Variants in THADA observed in about 807,000 individuals in gnomAD.
THADA encodes tRNA (32-2'-O)-methyltransferase regulator THADA.
THADA carries 213 observed loss-of-function variants against 219.8 expected under a neutral mutation model. The ratio of observed to expected loss-of-function variants is 0.97; its 90% CI spans 0.87 to 1.09. The LOEUF (loss-of-function observed/expected upper bound fraction) is 1.09, where lower values mean the gene tolerates loss of function less well. THADA is among the 50% of genes least tolerant of loss of function. The probability of loss-of-function intolerance (pLI) is 0.00; values close to 1 mark genes in which losing one functional copy is unlikely to be tolerated. For synonymous variants in THADA, 1,018 were observed against 828.9 expected (o/e 1.23, Z -3.92); for missense variants, 2,956 against 2,311.3 (o/e 1.28, Z -5.72).
chr2:43,469,948 T>C (rs1684706474), intron 26 of THADA, among the ~76,000 whole-genome samples: 1 of 152,122 alleles, frequency 6.6e-6, no homozygotes, highest in South Asian at 2.1e-4. Context: ...GTGTGGCTCA[T>C]GCCTGCAATC....
intron 26 of THADA, among the ~76,000 whole-genome samples, chr2:43,482,369 T>C (rs1261578182): frequency 6.6e-6 from 1 of 152,174 alleles, no homozygotes; most frequent in East Asian, 1.9e-4. Context: ...GAACTTCTTG[T>C]CTGTACTATG....
At chr2:43,549,090 T>C (rs1696438415) in intron 20 of THADA, 120 bp downstream of exon 20, 2 of 964,870 alleles carry the variant, frequency 2.1e-6, no homozygotes, top group African/African-American at 1.7e-5. Flanking sequence ...TAAAAAACTT[T>C]ATTTTCTAGA....
chr2:43,250,563 T>G (rs1345173575), intron 36 of THADA, among the ~76,000 whole-genome samples: 1 of 151,978 alleles, frequency 6.6e-6, no homozygotes, highest in Non-Finnish European at 1.5e-5. Context: ...CAATAATATA[T>G]AAACATGAAA....
In THADA at chr2:43,514,992, A is replaced by T. The variant is rs867724441; in HGVS notation, c.3375-6212T>A. The stretch of plus-strand genomic sequence containing the variant: ...ATATAATATATAACATTTTATATAT[A>T]ATATATAATATTATATATATTATAT... On this transcript the variant is annotated intron_variant, in intron 22 of 37. Coordinates refer to ENST00000405975, the MANE Select transcript of THADA (RefSeq NM_022065.5). Among the ~76,000 whole-genome samples, 227 of 53,290 alleles carry T rather than the reference A, an allele frequency of 4.3e-3. 3 individuals carry two copies. Among genetic ancestry groups the T allele is most frequent in the South Asian group, 6.2e-3 (9 of 1,460 alleles). The allele number at this position is 53,290 out of a possible 152,430, so 35.0% of individuals were successfully genotyped here.
intron 31 of THADA, among the ~76,000 whole-genome samples, chr2:43,301,444 AT>A (rs1676255570): frequency 6.6e-6 from 1 of 152,204 alleles, no homozygotes; most frequent in African/African-American, 2.4e-5. Context: ...CTAGGTCTAG[AT>A]GCAGCAGTGA....
At chr2:43,349,986 G>A (rs1668068989) in intron 29 of THADA, among the ~76,000 whole-genome samples, 1 of 152,102 alleles carries the variant, frequency 6.6e-6, no homozygotes, top group Admixed American at 6.6e-5. Flanking sequence ...TTTCCTTAGT[G>A]TTTACACAGG....
intron 29 of THADA, among the ~76,000 whole-genome samples, chr2:43,358,383 C>T (rs1235226290): frequency 1.3e-5 from 2 of 151,714 alleles, no homozygotes; most frequent in Admixed American, 6.6e-5. Context: ...CTCTTCCTCT[C>T]TGGTCTCCTC....
chr2:43,583,333 T>C (rs1700660880), intron 7 of THADA, among the ~76,000 whole-genome samples: 1 of 152,286 alleles, frequency 6.6e-6, no homozygotes, highest in Middle Eastern at 3.4e-3. Context: ...AAAATACATC[T>C]AGAATCAGAC....
intron 21 of THADA, among the ~76,000 whole-genome samples, chr2:43,539,480 T>C (rs1395969171): frequency 6.6e-6 from 1 of 152,200 alleles, no homozygotes; most frequent in Non-Finnish European, 1.5e-5. Context: ...CTTGATGACT[T>C]TGGATTTTTA....
At chr2:43,235,659 C>A (rs1667954347) in intron 36 of THADA, among the ~76,000 whole-genome samples, 1 of 152,256 alleles carries the variant, frequency 6.6e-6, no homozygotes, top group Non-Finnish European at 1.5e-5. Context: ...AAAAAAATTT[C>A]ATCATCCATC....
intron 22 of THADA, among the ~76,000 whole-genome samples, chr2:43,522,646 T>G (rs976352319): frequency 6.6e-6 from 1 of 152,226 alleles, no homozygotes; most frequent in African/African-American, 2.4e-5. Flanking sequence ...AGTGTTATTA[T>G]GAAAACTTTT....
chr2:43,351,544 C>T (rs761197983), intron 29 of THADA, among the ~76,000 whole-genome samples: 4 of 152,206 alleles, frequency 2.6e-5, no homozygotes, highest in Non-Finnish European at 4.4e-5. Context: ...TTCAGTGCTC[C>T]AACATCTCCT....
chr2:43,355,524 T>C (rs991784180), intron 29 of THADA, among the ~76,000 whole-genome samples: 1 of 152,254 alleles, frequency 6.6e-6, no homozygotes, highest in East Asian at 1.9e-4. Flanking sequence ...CTTTTATCCA[T>C]ATTTGCTTTT....
At chr2:43,524,285 C>T (rs562921773) in intron 22 of THADA, among the ~76,000 whole-genome samples, 14 of 152,314 alleles carry the variant, frequency 9.2e-5, no homozygotes, top group African/African-American at 3.4e-4. Flanking sequence ...GTCTCCATCC[C>T]TATTTATTCT....
intron 28 of THADA, among the ~76,000 whole-genome samples, chr2:43,418,620 G>C (rs1217387323): frequency 6.6e-6 from 1 of 152,140 alleles, no homozygotes; most frequent in African/African-American, 2.4e-5. Flanking sequence ...CCAATAGAAA[G>C]TTGAACTTGT....
rs1182743846 is a variant in THADA, at chr2:43,382,715, A to G, written c.4227+15256T>C. On this transcript the variant is annotated intron_variant, in intron 29 of 37. Transcript: ENST00000405975. ...TACTGCTTCTAACTGCTGCACTAAA[A>G]TGTATAGAATTAAAGAAGAAATAAG... 2.6e-5 allele frequency among the ~76,000 whole-genome samples: 4 copies of G among 152,222 alleles called. No homozygotes were observed. The East Asian group carries it at 7.7e-4, about 29-fold the overall frequency.
chr2:43,567,275 A>T (rs961863245), intron 14 of THADA, among the ~76,000 whole-genome samples: 1 of 152,166 alleles, frequency 6.6e-6, no homozygotes, highest in Non-Finnish European at 1.5e-5. Flanking sequence ...AAATAGGGCC[A>T]TTACTGAAAA....
rs976942773 is a variant in THADA at position 43,530,860 on chromosome 2, T to C, written c.3265-2872A>G. On this transcript the variant is annotated intron_variant, in intron 21 of 37. Coordinates refer to ENST00000405975, the MANE Select transcript of THADA (RefSeq NM_022065.5). The stretch of plus-strand genomic sequence containing the variant: ...CTCAAGGATGGACCTCAACCCTAGG[T>C]ATTCCTGGGCACAGAAAACAGATTG... Among the ~76,000 whole-genome samples, 3 of 150,098 alleles carry C rather than the reference T, an allele frequency of 2.0e-5. No individual in the cohort carries two copies. In the South Asian group the frequency reaches 6.4e-4, roughly 32 times the overall value.
In THADA at chr2:43,508,544, T is replaced by C. The variant is rs1035586723; in HGVS notation, c.3507+104A>G. On this transcript the variant is annotated intron_variant, in intron 23 of 37. Transcript: ENST00000405975. ...TGCTATGGTGCTGAAAAGACAGAAA[T>C]GTCCTTTATGTGTAATACGCTCACT... 2.2e-5 allele frequency: 25 copies of C among 1,132,150 alleles called. No homozygotes were observed. In the African/African-American group the frequency reaches 2.8e-4, roughly 13 times the overall value. The allele number at this position is 1,132,150 out of a possible 1,614,324, so 70.1% of individuals were successfully genotyped here.
Sources: allele counts gnomAD v4.1 joint callset (sites outside exome capture counted in the v4.1 genomes callset), GRCh38; gene constraint gnomAD v4.1.1; transcripts MANE v1.5; gene names NCBI Gene and HGNC (gene_info 2026-07-23, HGNC 2026-07-21).